The following KCTD16 variants were observed in gnomAD, a reference collection of about 807,000 sequenced individuals.
KCTD16 encodes potassium channel tetramerization domain containing 16, also known as BTB/POZ domain-containing protein KCTD16.
In KCTD16, 13 loss-of-function variants were observed where a neutral mutation model predicts 33.2. The ratio of observed to expected loss-of-function variants is 0.39; its 90% CI spans 0.25 to 0.62. The LOEUF (loss-of-function observed/expected upper bound fraction) is 0.62, where lower values mean the gene tolerates loss of function less well. Among genes scored for constraint, KCTD16 ranks in the 20% least tolerant of loss-of-function variants. The pLI, the probability that KCTD16 is intolerant of heterozygous loss-of-function variation, is 0.50. For missense variants in KCTD16, 441 were observed against 525.1 expected, an observed-to-expected ratio of 0.84 and a Z score of 1.57; for synonymous variants, 197 against 195.3, an observed-to-expected ratio of 1.01 and a Z score of -0.07.
Position 144,477,026 on chromosome 5 carries a change from G to C in KCTD16, c.*2912G>C, listed in dbSNP as rs1412038713. ...AGCCCCAACTTAGATTGCCTTCTGGGAAATCCCGCGATACTAAAATCCAGT... is the reference window on the plus strand; with the variant it reads ...AGCCCCAACTTAGATTGCCTTCTGGCAAATCCCGCGATACTAAAATCCAGT... On this transcript the variant is annotated 3_prime_UTR_variant, in exon 4 of 4. Transcript: ENST00000512467. 6.6e-6 allele frequency: 1 copy of C among 151,696 alleles called. No individual in the cohort carries two copies. Among genetic ancestry groups the C allele is most frequent in the African/African-American group, 2.4e-5 (1 of 41,268 alleles). 9.4% of individuals were successfully genotyped at this position (151,696 alleles called of 1,614,324 possible). A position where few individuals can be genotyped will look rare whatever the true frequency, so the allele number is the denominator to read the frequency against.
chr5:144,348,395 T>A (rs1482867010), intron 3 of KCTD16, among the ~76,000 whole-genome samples: 2 of 152,198 alleles, frequency 1.3e-5, no homozygotes, highest in Non-Finnish European at 2.9e-5. Flanking sequence ...CCTAGGGAAA[T>A]GCAGTGCTTT....
At position 144,482,510 on chromosome 5, in the gene KCTD16, T is replaced by C. The variant is rs1430195620; in HGVS notation, c.*8396T>C. 6.6e-6 allele frequency: 1 copy of C among 151,916 alleles called. No homozygotes were observed. Among genetic ancestry groups the C allele is most frequent in the Non-Finnish European group, 1.5e-5 (1 of 67,916 alleles). 9.4% of individuals were successfully genotyped at this position (151,916 alleles called of 1,614,324 possible). ...ATATGTGTTTATGCATGAGTGTATC[T>C]AGGTATCTGCTATTTTCATCTTTTG... On this transcript the variant is annotated 3_prime_UTR_variant, in exon 4 of 4. Coordinates refer to ENST00000512467, the MANE Select transcript of KCTD16 (RefSeq NM_020768.4).
chr5:144,186,980 C>T (rs555249584), intron 2 of KCTD16, among the ~76,000 whole-genome samples: 13 of 152,108 alleles, frequency 8.5e-5, no homozygotes, highest in Admixed American at 2.6e-4. Context: ...TCCCTCTCAG[C>T]GCTTACAGTG....
At chr5:144,293,138 T>C (rs905130974) in intron 3 of KCTD16, among the ~76,000 whole-genome samples, 1 of 152,366 alleles carries the variant, frequency 6.6e-6, no homozygotes, top group East Asian at 1.9e-4. Flanking sequence ...AAGGCTACTC[T>C]CTGACTGATA....
intron 3 of KCTD16, among the ~76,000 whole-genome samples, chr5:144,252,752 T>A (rs1399354003): frequency 6.6e-6 from 1 of 151,966 alleles, no homozygotes; most frequent in African/African-American, 2.4e-5. Context: ...CTAGATTATG[T>A]ACATCAGAGA....
intron 3 of KCTD16, among the ~76,000 whole-genome samples, chr5:144,429,109 A>G (rs1753398692): frequency 6.6e-6 from 1 of 152,156 alleles, no homozygotes; most frequent in East Asian, 1.9e-4. Flanking sequence ...GGCAGGCAAG[A>G]AGGTGAAATC....
intron 2 of KCTD16, among the ~76,000 whole-genome samples, chr5:144,185,600 G>A (rs1752709045): frequency 6.6e-6 from 1 of 152,108 alleles, no homozygotes; most frequent in Admixed American, 6.6e-5. Flanking sequence ...TGGAGCAAGG[G>A]TGACAGCAAT....
At chr5:144,223,530 T>G (rs1050180062) in intron 3 of KCTD16, among the ~76,000 whole-genome samples, 12 of 152,240 alleles carry the variant, frequency 7.9e-5, no homozygotes, top group Admixed American at 2.6e-4. Context: ...CTGACTTGTG[T>G]AATAATTGTA....
At chr5:144,263,179 G>A (rs1270879477) in intron 3 of KCTD16, among the ~76,000 whole-genome samples, 1 of 152,132 alleles carries the variant, frequency 6.6e-6, no homozygotes, top group African/African-American at 2.4e-5. Flanking sequence ...AATTCTGGAG[G>A]CTTTTATAAG....
At chr5:144,182,408 G>A (rs1043714075) in intron 2 of KCTD16, among the ~76,000 whole-genome samples, 2 of 152,122 alleles carry the variant, frequency 1.3e-5, no homozygotes, top group Non-Finnish European at 2.9e-5. Flanking sequence ...GAATCTAAAA[G>A]CAAACAGAGA....
chr5:144,295,867 G>A (rs768936489), intron 3 of KCTD16, among the ~76,000 whole-genome samples: 5 of 152,146 alleles, frequency 3.3e-5, no homozygotes, highest in African/African-American at 7.2e-5. Flanking sequence ...AGAAATGTGG[G>A]AAGTCTTTAG....
Position 144,206,957 on chromosome 5 carries a change from G to T in KCTD16, c.243G>T (p.Leu81Phe). The change falls in exon 3 of 4, where the codon TTG becomes TTT. Residue 81 changes from leucine (L) to phenylalanine (F), a missense_variant. Physicochemically the swap from Leu to Phe is conservative, Grantham distance 22. Around this residue, in one of 3 missense-constraint regions of KCTD16, gnomAD observed 6 missense variants for 23.6 expected, o/e 0.25. Transcript: ENST00000512467. ...TTTTCATTGACAGAGATGGATTCTT[G>T]TTCCGTTATATTCTGGACTATCTCA... ...GRFFIDRDGF[L>F]FRYILDYLRD... 2 of 1,614,162 alleles carry T rather than the reference G, an allele frequency of 1.2e-6. No individual in the cohort carries two copies. Among genetic ancestry groups the T allele is most frequent in the Non-Finnish European group, 1.7e-6 (2 of 1,180,020 alleles).
chr5:144,414,760 TAA>T (rs763410182), intron 3 of KCTD16, among the ~76,000 whole-genome samples: 10 of 152,120 alleles, frequency 6.6e-5, no homozygotes, highest in East Asian at 1.9e-4. Context: ...CTCCAAATCT[TAA>T]GTGTGTTTTA....
intron 3 of KCTD16, among the ~76,000 whole-genome samples, chr5:144,298,578 T>C (rs1475461737): frequency 6.6e-6 from 1 of 152,142 alleles, no homozygotes; most frequent in Non-Finnish European, 1.5e-5. Flanking sequence ...GTAAGGTAAC[T>C]GGTCTCAAGA....
At chr5:144,331,842 A>G (rs991125372) in intron 3 of KCTD16, among the ~76,000 whole-genome samples, 26 of 152,144 alleles carry the variant, frequency 1.7e-4, no homozygotes, top group Admixed American at 5.2e-4. Context: ...TTCAACTCTT[A>G]TTTCTAAACT....
chr5:144,358,545 A>C (rs80294674), intron 3 of KCTD16, among the ~76,000 whole-genome samples: 55 of 152,202 alleles, frequency 3.6e-4, no homozygotes, highest in Non-Finnish European at 6.8e-4. Flanking sequence ...ATCCTGGGGC[A>C]GAAGGTACAC....
chr5:144,417,763 T>G (rs956267735), intron 3 of KCTD16, among the ~76,000 whole-genome samples: 4 of 152,162 alleles, frequency 2.6e-5, no homozygotes, highest in African/African-American at 4.8e-5. Context: ...TTTTGAGTTT[T>G]TTTTGGGTCT....
At chr5:144,410,801 G>T (rs1752916152) in intron 3 of KCTD16, among the ~76,000 whole-genome samples, 1 of 152,076 alleles carries the variant, frequency 6.6e-6, no homozygotes, top group Non-Finnish European at 1.5e-5. Flanking sequence ...CACAAAATAA[G>T]TTATCTTGTG....
intron 3 of KCTD16, among the ~76,000 whole-genome samples, chr5:144,319,098 T>C (rs1224117541): frequency 1.3e-5 from 2 of 152,018 alleles, no homozygotes; most frequent in Non-Finnish European, 2.9e-5. Flanking sequence ...TTAATATAAA[T>C]TTATTGGAAT....
Sources: allele counts gnomAD v4.1 joint callset (sites outside exome capture counted in the v4.1 genomes callset), GRCh38; gene constraint gnomAD v4.1.1; regional missense constraint gnomAD v4.1.1; transcripts MANE v1.5; gene names NCBI Gene and HGNC (gene_info 2026-07-23, HGNC 2026-07-21).